The following GAPVD1 variants were observed in gnomAD, a reference collection of about 807,000 sequenced individuals.
GAPVD1 encodes the protein GTPase activating protein and VPS9 domains 1, also known as GTPase-activating protein and VPS9 domain-containing protein 1.
GAPVD1 carries 35 observed loss-of-function variants against 155.5 expected under a neutral mutation model. The observed-to-expected ratio is 0.23, with a 90% CI of 0.17 to 0.30. The LOEUF (loss-of-function observed/expected upper bound fraction) is 0.30. Ranked by LOEUF, GAPVD1 falls within the 10% of genes least tolerant of loss-of-function variation. The pLI is 1.00. For synonymous variants in GAPVD1, 636 were observed against 619.7 expected, an observed-to-expected ratio of 1.03 and a Z score of -0.39; for missense variants, 1,429 against 1,775.7, an observed-to-expected ratio of 0.80 and a Z score of 3.51.
chr9:125,336,766 T>G (rs985152608), intron 15 of GAPVD1: 2 of 457,462 alleles, frequency 4.4e-6, no homozygotes, highest in African/African-American at 4.0e-5. Flanking sequence ...TACTAGCATT[T>G]GGCCATTAGA....
chr9:125,348,530 C>T (rs940393083), intron 20 of GAPVD1, among the ~76,000 whole-genome samples: 14 of 151,624 alleles, frequency 9.2e-5, no homozygotes, highest in Admixed American at 6.6e-4. Context: ...TGGTTTTTTT[C>T]GAGATGGAGT....
intron 5 of GAPVD1, 145 bp downstream of exon 5, chr9:125,302,971 T>C: frequency 2.1e-6 from 2 of 947,926 alleles, no homozygotes; most frequent in South Asian, 3.7e-5. Context: ...TTGCATCTTA[T>C]TAAATAAAAG....
intron 10 of GAPVD1, 144 bp from the exon 11 acceptor site, chr9:125,323,654 C>T: frequency 4.1e-6 from 3 of 727,096 alleles, no homozygotes; most frequent in South Asian, 1.8e-5. Context: ...AGCAGAATTT[C>T]TCAAAGGGCA....
At chr9:125,340,150 T>TG (rs1022260955) in intron 17 of GAPVD1, among the ~76,000 whole-genome samples, 6 of 152,076 alleles carry the variant, frequency 3.9e-5, no homozygotes, top group African/African-American at 1.4e-4. Context: ...CCTCCCAAGT[T>TG]GCTGGGATTA....
intron 22 of GAPVD1, 51 bp from the exon 23 acceptor site, chr9:125,350,662 A>T: frequency 1.8e-6 from 2 of 1,139,852 alleles, no homozygotes; most frequent in Non-Finnish European, 2.6e-6. Context: ...TAGCTTATTT[A>T]AGCACATGGA....
At chr9:125,269,281 A>C (rs980789329) in intron 2 of GAPVD1, among the ~76,000 whole-genome samples, 8 of 151,952 alleles carry the variant, frequency 5.3e-5, no homozygotes, top group Admixed American at 5.3e-4. Flanking sequence ...ATAATTTTCA[A>C]ATGTTTAGTT....
rs142362758 is a variant in GAPVD1, at chr9:125,332,626, C to A, written c.2425C>A (p.His809Asn). 2.5e-6 allele frequency: 4 copies of A among 1,607,566 alleles called. No individual in the cohort carries two copies. The highest frequency in any genetic ancestry group is 3.4e-6 in the Non-Finnish European group (4 of 1,177,736). Residue 809 changes from histidine (H) to asparagine (N), a missense_variant, in exon 15 of 28, where the codon CAC (histidine) becomes AAC (asparagine). Physicochemically the swap from His to Asn is moderately conservative, Grantham distance 68 (BLOSUM62 1). Transcript: ENST00000297933. Reference sequence around the variant, plus strand: ...TAGTCCAGACATGGATGAAATAACTCACGGTAAGAGGGGGAAATGAGGATG... The same window carrying A: ...TAGTCCAGACATGGATGAAATAACTAACGGTAAGAGGGGGAAATGAGGATG... Reference protein sequence around the residue: ...VTSPDMDEITHGAHQLTSPPS... With the variant: ...VTSPDMDEITNGAHQLTSPPS...
At chr9:125,318,841 G>A (rs1180127783) in intron 9 of GAPVD1, among the ~76,000 whole-genome samples, 3 of 151,724 alleles carry the variant, frequency 2.0e-5, no homozygotes, top group African/African-American at 7.3e-5. Context: ...TTGGGTCCAG[G>A]ACTTCAAGAC....
rs34644117 is a variant in GAPVD1, at chr9:125,298,481, ATTTTT to A, written c.-32-387_-32-383del. Among the ~76,000 whole-genome samples the A allele has an allele frequency of 3.6e-4, 32 of 89,258 alleles. 1 individual carries two copies. The highest frequency in any genetic ancestry group is 1.2e-3 in the South Asian group (3 of 2,408). 58.6% of individuals were successfully genotyped at this position (89,258 alleles called of 152,430 possible). A position where few individuals can be genotyped will look rare whatever the true frequency, so the allele number is the denominator to read the frequency against. ...TAAAAGTGGCATCAAATGTAACCTA[ATTTTT>A]TTTTTTTTTTTTTTTTTTTTTGAGA... On this transcript the variant is annotated intron_variant, in intron 3 of 27. Transcript: ENST00000297933.
At chr9:125,335,219 G>A (rs1348556645) in intron 15 of GAPVD1, 1 of 771,432 alleles carries the variant, frequency 1.3e-6, no homozygotes, top group Non-Finnish European at 2.4e-6. Flanking sequence ...ACACATTGAA[G>A]CAGAAGCAGA....
At chr9:125,265,378 A>G (rs1019528309) in intron 1 of GAPVD1, among the ~76,000 whole-genome samples, 1 of 151,762 alleles carries the variant, frequency 6.6e-6, no homozygotes, top group African/African-American at 2.4e-5. Flanking sequence ...AGCTAGGACT[A>G]TAGGTCGGCA....
chr9:125,289,586 G>C (rs1838262443), intron 2 of GAPVD1, among the ~76,000 whole-genome samples: 1 of 152,094 alleles, frequency 6.6e-6, no homozygotes, highest in Admixed American at 6.6e-5. Context: ...GATTGAGATG[G>C]GAAAGGCCGT....
chr9:125,353,228 A>C (rs150218723), intron 23 of GAPVD1, among the ~76,000 whole-genome samples: 4 of 152,350 alleles, frequency 2.6e-5, no homozygotes, highest in Admixed American at 6.5e-5. Flanking sequence ...AAAGTTCCAC[A>C]AATCTCTAGG....
chr9:125,339,966 G>A (rs1383786837), intron 17 of GAPVD1, among the ~76,000 whole-genome samples: 1 of 152,138 alleles, frequency 6.6e-6, no homozygotes, highest in Non-Finnish European at 1.5e-5. Flanking sequence ...TTTGTCCATG[G>A]TCACATGATA....
At chr9:125,301,715 G>A (rs184450388) in intron 4 of GAPVD1, among the ~76,000 whole-genome samples, 2 of 152,072 alleles carry the variant, frequency 1.3e-5, no homozygotes, top group East Asian at 3.9e-4. Flanking sequence ...CTCACAAAGT[G>A]CTGGGATTAC....
intron 9 of GAPVD1, among the ~76,000 whole-genome samples, chr9:125,313,445 A>G (rs1396787616): frequency 1.3e-5 from 2 of 151,904 alleles, no homozygotes; most frequent in East Asian, 3.9e-4. Flanking sequence ...CTGGGACTAC[A>G]GGTGCCCGCC....
Position 125,328,485 on chromosome 9 carries a change from C to T in GAPVD1, c.2033-1593C>T, listed in dbSNP as rs1309820335. On this transcript the variant is annotated intron_variant, in intron 12 of 27. Transcript: ENST00000297933. ...TAATCCATTTAACCCTGAGTGGACA[C>T]AGCACATGTTTCAGAGAGCACAGGG... Among the ~76,000 whole-genome samples, 21 of 137,718 alleles carry T rather than the reference C, an allele frequency of 1.5e-4. 1 individual carries two copies. Among genetic ancestry groups the T allele is most frequent in the Non-Finnish European group, 4.6e-5 (3 of 65,046 alleles). The allele number at this position is 137,718 out of a possible 152,430, so 90.3% of individuals were successfully genotyped here.
rs762098313 is a variant in GAPVD1, at chr9:125,307,712, A to G, written c.1273A>G (p.Met425Val). 8.7e-6 allele frequency: 14 copies of G among 1,613,792 alleles called. No individual in the cohort carries two copies. The Admixed American group carries it at 1.3e-4, about 15-fold the overall frequency. The change falls in exon 8 of 28, where the codon ATG becomes GTG. Residue 425 changes from methionine (M) to valine (V), a missense_variant. Met to Val is a conservative substitution (Grantham distance 21). Coordinates refer to ENST00000297933, the MANE Select transcript of GAPVD1 (RefSeq NM_001282680.3). ...CCAGGTGAATTTTATGAAGAGTGTG[A>G]TGTCTGGAGATCAACTGAGAGAAGA... ...ITLVNFMKSV[M>V]SGDQLREDRM...
In GAPVD1 at chr9:125,337,309, A is replaced by T; in HGVS notation, c.2595A>T (p.Gly865=). Residue 865 remains glycine (G), a synonymous_variant, in exon 17 of 28, where the codon GGA becomes GGT. Coordinates refer to ENST00000297933, the MANE Select transcript of GAPVD1 (RefSeq NM_001282680.3). ...CCCCAATCCTGGAAGGAGCTGTGGG[A>T]GGAAATGAGGCCAGGTTGCCAAACT... ...PDPPILEGAV[G]GNEARLPNFG... is the part of the protein sequence containing the mutation. 6.2e-7 allele frequency: 1 copy of T among 1,614,176 alleles called. No homozygotes were observed. Among genetic ancestry groups the T allele is most frequent in the South Asian group, 1.1e-5 (1 of 91,082 alleles).
Sources: gnomAD v4.1 joint callset for allele counts (sites outside exome capture counted in the v4.1 genomes callset) on GRCh38, gnomAD v4.1.1 for gene constraint, MANE v1.5 for transcripts, NCBI Gene and HGNC (gene_info 2026-07-23, HGNC 2026-07-21) for gene names.